The following PKNOX1 variants were observed in gnomAD, a reference collection of about 807,000 sequenced individuals.
PKNOX1 encodes the protein PBX/knotted 1 homeobox 1.
PKNOX1 carries 15 observed loss-of-function variants against 51.9 expected under a neutral mutation model. That is an observed-to-expected ratio of 0.29 (90% CI 0.19 to 0.45). PKNOX1 has a LOEUF of 0.45. PKNOX1 is among the 20% of genes least tolerant of loss of function. PKNOX1 has a pLI of 1.00. For missense variants in PKNOX1, 462 were observed against 547.5 expected, an observed-to-expected ratio of 0.84 and a Z score of 1.56; for synonymous variants, 219 against 211.1, an observed-to-expected ratio of 1.04 and a Z score of -0.32.
intron 6 of PKNOX1, chr21:43,017,262 T>A: frequency 3.5e-6 from 1 of 284,274 alleles, no homozygotes; most frequent in Non-Finnish European, 6.6e-6. Context: ...ATTGAAAATA[T>A]ACACCAAAAA....
rs201263162 is a variant in PKNOX1 at position 43,029,981 on chromosome 21, G to A, written c.1191G>A (p.Gln397=). The A allele has an allele frequency of 3.7e-6, 6 of 1,614,106 alleles. No homozygotes were observed. In the Admixed American group the frequency reaches 1.0e-4, roughly 27 times the overall value. The change falls in exon 11 of 11, where the codon CAG becomes CAA. Residue 397 remains glutamine (Q), a synonymous_variant. Coordinates refer to ENST00000291547, the MANE Select transcript of PKNOX1 (RefSeq NM_004571.5). ...SSDGATLAVQ[Q]VMMAGQSEDE... ...ACGGGGCCACCCTGGCGGTGCAGCA[G>A]GTCATGATGGCAGGGCAGAGCGAGG...
chr21:42,989,459 T>C (rs2059074410), intron 1 of PKNOX1, among the ~76,000 whole-genome samples: 1 of 152,170 alleles, frequency 6.6e-6, no homozygotes, highest in African/African-American at 2.4e-5. Flanking sequence ...TCTGTCACCC[T>C]GGCTGGAGTG....
At chr21:42,983,370 A>T (rs2059036611) in intron 1 of PKNOX1, among the ~76,000 whole-genome samples, 1 of 152,166 alleles carries the variant, frequency 6.6e-6, no homozygotes. Context: ...TAGGGACTTC[A>T]TACCAGTGGA....
chr21:43,017,213 C>A, intron 6 of PKNOX1: 1 of 366,140 alleles, frequency 2.7e-6, no homozygotes. Flanking sequence ...TGTTTCTCTA[C>A]CAAAAATATA....
At chr21:43,007,648 C>G in intron 3 of PKNOX1, 30 bp downstream of exon 3, 2 of 1,613,486 alleles carry the variant, frequency 1.2e-6, no homozygotes, top group Non-Finnish European at 1.7e-6. Flanking sequence ...CTGTGGGGGC[C>G]TCAGAGGAGT....
Position 42,991,099 on chromosome 21 carries a change from G to A in PKNOX1, c.-56-13227G>A, listed in dbSNP as rs370099256. Among the ~76,000 whole-genome samples the A allele has an allele frequency of 5.3e-5, 8 of 152,146 alleles. No homozygotes were observed. In the South Asian group the frequency reaches 6.2e-4, roughly 12 times the overall value. On this transcript the variant is annotated intron_variant, in intron 1 of 10. Coordinates refer to ENST00000291547, the MANE Select transcript of PKNOX1 (RefSeq NM_004571.5). ...AGTGTGCCCAGGTGCCACATTTTGG[G>A]GTAGCATGTCCTGAACCTTGTCAAA...
At chr21:42,992,450 C>G (rs1488361788) in intron 1 of PKNOX1, among the ~76,000 whole-genome samples, 1 of 152,148 alleles carries the variant, frequency 6.6e-6, no homozygotes, top group African/African-American at 2.4e-5. Flanking sequence ...CCCGGTCACA[C>G]TGTTAGTGGC....
chr21:42,980,356 A>C (rs28660312), intron 1 of PKNOX1, among the ~76,000 whole-genome samples: 2,397 of 147,918 alleles, frequency 0.016, 64 homozygotes, highest in African/African-American at 0.057. Flanking sequence ...TGGGCGACAG[A>C]GCAAGACTCC....
chr21:43,007,671 C>T lies in PKNOX1; in HGVS notation c.179+53C>T, dbSNP rs1979059377. The T allele has an allele frequency of 3.7e-6, 6 of 1,605,016 alleles. No individual in the cohort carries two copies. The East Asian group carries it at 1.3e-4, about 36-fold the overall frequency. On this transcript the variant is annotated intron_variant, in intron 3 of 10. Coordinates refer to ENST00000291547, the MANE Select transcript of PKNOX1 (RefSeq NM_004571.5). ...GCCTCAGAGGAGTGAGGAGTGTCCA[C>T]AAGTTTGTTAAAAGGAACACCAGAA...
Position 43,021,467 on chromosome 21 carries a change from C to T in PKNOX1, c.849+36C>T. On this transcript the variant is annotated intron_variant, in intron 8 of 10. Coordinates refer to ENST00000291547, the MANE Select transcript of PKNOX1 (RefSeq NM_004571.5). The surrounding 1 kb of genome is among the most constrained non-coding windows in gnomAD (Gnocchi z 4.6). ...CTGGGCCAGCCCTTGCCTTGCAGCC[C>T]TCTGCGACGCTTGCTCTCTGGCTTA... 1 of 1,556,716 alleles carries T rather than the reference C, an allele frequency of 6.4e-7. No individual in the cohort carries two copies. Among genetic ancestry groups the T allele is most frequent in the South Asian group, 1.2e-5 (1 of 84,698 alleles).
intron 1 of PKNOX1, among the ~76,000 whole-genome samples, chr21:42,981,863 A>T (rs1205065425): frequency 1.3e-5 from 2 of 152,200 alleles, no homozygotes; most frequent in Admixed American, 1.3e-4. Context: ...AGGGATAAAG[A>T]AAACAGGAGT....
intron 9 of PKNOX1, among the ~76,000 whole-genome samples, chr21:43,028,040 A>T (rs1980058970): frequency 6.6e-6 from 1 of 152,118 alleles, no homozygotes; most frequent in Non-Finnish European, 1.5e-5. Context: ...TCTGTCGGGG[A>T]TTTCATCACT....
intron 5 of PKNOX1, among the ~76,000 whole-genome samples, chr21:43,013,691 T>C (rs1406008689): frequency 1.3e-5 from 2 of 152,126 alleles, no homozygotes; most frequent in African/African-American, 2.4e-5. Context: ...CATTAAACAC[T>C]CATTCCGGAT....
rs1474162984 is a variant in PKNOX1 at position 43,024,941 on chromosome 21, A to G, written c.920A>G (p.Asn307Ser). The G allele has an allele frequency of 6.2e-7, 1 of 1,604,726 alleles. No homozygotes were observed. The highest frequency in any genetic ancestry group is 1.7e-5 in the Admixed American group (1 of 59,944). The change falls in exon 9 of 11, where the codon AAC becomes AGC. Residue 307 changes from asparagine to serine, a missense_variant. Asn to Ser is a conservative substitution (Grantham distance 46). This residue lies in a region of PKNOX1 where 75 missense variants were observed against 129.8 expected (regional missense o/e 0.58). Coordinates refer to ENST00000291547, the MANE Select transcript of PKNOX1 (RefSeq NM_004571.5). Reference sequence around the variant, plus strand: ...ACAAATTTGACACTACTCCAAGTCAACAACTGGTAAGGTGCCCTGCTTCCT... The same window carrying G: ...ACAAATTTGACACTACTCCAAGTCAGCAACTGGTAAGGTGCCCTGCTTCCT... ...AQTNLTLLQV[N>S]NWFINARRRI...
intron 1 of PKNOX1, among the ~76,000 whole-genome samples, chr21:42,988,826 C>T (rs959434764): frequency 6.6e-6 from 1 of 152,102 alleles, no homozygotes; most frequent in Non-Finnish European, 1.5e-5. Flanking sequence ...TTAGGGTCTA[C>T]AGGCTGGGGA....
intron 4 of PKNOX1, among the ~76,000 whole-genome samples, chr21:43,012,331 A>G (rs1239853802): frequency 6.6e-6 from 1 of 152,238 alleles, no homozygotes; most frequent in African/African-American, 2.4e-5. Context: ...AGGCTGAGGC[A>G]GGTGGATCAC....
At chr21:43,005,670 C>T (rs1978956065) in intron 2 of PKNOX1, among the ~76,000 whole-genome samples, 1 of 152,096 alleles carries the variant, frequency 6.6e-6, no homozygotes, top group Admixed American at 6.6e-5. Context: ...CTCTGGACCC[C>T]AGGACGCCCC....
chr21:42,984,479 C>T (rs1424781387), intron 1 of PKNOX1, among the ~76,000 whole-genome samples: 1 of 152,118 alleles, frequency 6.6e-6, no homozygotes, highest in South Asian at 2.1e-4. Context: ...ACCTCCACCT[C>T]CTGGGTTCAA....
chr21:43,012,295 C>G (rs1330757168), intron 4 of PKNOX1, among the ~76,000 whole-genome samples: 3 of 152,234 alleles, frequency 2.0e-5, no homozygotes, highest in Non-Finnish European at 4.4e-5. Flanking sequence ...CGTGGTGGCT[C>G]ACGCCTGTAA....
Sources: gnomAD v4.1 joint callset for allele counts (sites outside exome capture counted in the v4.1 genomes callset) on GRCh38, gnomAD v4.1.1 for gene constraint, gnomAD v4.1.1 regional missense constraint, Gnocchi (gnomAD v3.1) non-coding constraint, MANE v1.5 for transcripts, NCBI Gene and HGNC (gene_info 2026-07-23, HGNC 2026-07-21) for gene names.